ZNF26: variants seen among roughly 807,000 people sequenced by gnomAD.
The protein encoded by ZNF26 is epididymis luminal protein 179.
A neutral mutation model predicts 54.9 loss-of-function variants in ZNF26; 32 were observed. That is an observed-to-expected ratio of 0.58 (90% confidence interval 0.44 to 0.78). The LOEUF is 0.78. ZNF26 is among the 30% of genes least tolerant of loss of function. The pLI, the probability that ZNF26 is intolerant of heterozygous loss-of-function variation, is 0.00. For missense variants in ZNF26, 524 were observed against 634.0 expected, an observed-to-expected ratio of 0.83 and a Z score of 1.86; for synonymous variants, 221 against 209.2, an observed-to-expected ratio of 1.06 and a Z score of -0.49.
chr12:133,010,560 A>G lies in ZNF26; in HGVS notation c.681A>G (p.Glu227=). The stretch of plus-strand genomic sequence containing the variant: ...CTCATCAGAGAGTTCATACAGGAGA[A>G]AAACCCTACTCATGTAGTGAGTGCG... ...LNAHQRVHTG[E]KPYSCSECEK... is the part of the protein sequence containing the mutation. Residue 227 remains glutamate (E), a synonymous_variant, in exon 4 of 4, where the codon GAA becomes GAG. Transcript: ENST00000328654. 1.2e-6 allele frequency: 2 copies of G among 1,614,170 alleles called. No homozygotes were observed. The highest frequency in any genetic ancestry group is 1.7e-6 in the Non-Finnish European group (2 of 1,179,990).
intron 3 of ZNF26, among the ~76,000 whole-genome samples, chr12:133,008,790 A>AG (rs1170286436): frequency 6.6e-6 from 1 of 151,648 alleles, no homozygotes; most frequent in African/African-American, 2.4e-5. Context: ...AAAAAAAAAA[A>AG]AAAAAGAAAA....
rs1384180499 is a variant in ZNF26 at position 133,011,181 on chromosome 12, C to G, written c.1302C>G (p.Ala434=). 1.2e-6 allele frequency: 2 copies of G among 1,613,984 alleles called. No homozygotes were observed. The highest frequency in any genetic ancestry group is 1.6e-4 in the Middle Eastern group (1 of 6,084). The change falls in exon 4 of 4, where the codon GCC becomes GCG. Residue 434 remains alanine, a synonymous_variant. Coordinates refer to ENST00000328654, the MANE Select transcript of ZNF26 (RefSeq NM_019591.4). ...ATGAATGTAGTTTGTGTGAGAGAGC[C>G]TTTTGTGGAAAATCACAGCTGATTA... The part of the protein sequence containing the change: ...RPYECSLCER[A]FCGKSQLIIH...
At chr12:133,008,585 A>G (rs113730923) in intron 3 of ZNF26, among the ~76,000 whole-genome samples, 2 of 150,780 alleles carry the variant, frequency 1.3e-5, no homozygotes, top group Non-Finnish European at 2.9e-5. Flanking sequence ...GACCATCCTG[A>G]CTAACATGGT....
Position 133,012,858 on chromosome 12 carries a change from T to C in ZNF26, c.*1377T>C, listed in dbSNP as rs1953513126. 2 of 152,120 alleles carry C rather than the reference T, an allele frequency of 1.3e-5. No homozygotes were observed. Among genetic ancestry groups the C allele is most frequent in the African/African-American group, 4.8e-5 (2 of 41,410 alleles). 9.4% of individuals were successfully genotyped at this position (152,120 alleles called of 1,614,324 possible). ...CCTCCCAAAGTCATGGGATTACAGG[T>C]GTGAGCCACCGAGCCCGGCCAGCTT... On this transcript the variant is annotated 3_prime_UTR_variant, in exon 4 of 4. Transcript: ENST00000328654.
Position 133,025,000 on chromosome 12 carries a change from CACTT to C in ZNF26, c.*13520_*13523del, listed in dbSNP as rs1344298256. ...CAGGAAGGAGGTTGAGAAGGATACT[CACTT>C]GCAAACATGGTCACATTTTATGAAA... On this transcript the variant is annotated 3_prime_UTR_variant, in exon 4 of 4. Transcript: ENST00000328654. 1 of 152,194 alleles carries C rather than the reference CACTT, an allele frequency of 6.6e-6. No homozygotes were observed. The highest frequency in any genetic ancestry group is 6.5e-5 in the Admixed American group (1 of 15,274). The allele number at this position is 152,194 out of a possible 1,614,324, so 9.4% of individuals were successfully genotyped here. A position where few individuals can be genotyped will look rare whatever the true frequency, so the allele number is the denominator to read the frequency against.
At chr12:133,003,261 T>TC in intron 1 of ZNF26, among the ~76,000 whole-genome samples, 1 of 150,448 alleles carries the variant, frequency 6.6e-6, no homozygotes. Flanking sequence ...CCTTTTCTTT[T>TC]TTTTTTTTTT....
In ZNF26 at chr12:133,018,526, A is replaced by G. The variant is rs1316747150; in HGVS notation, c.*7045A>G. 6.6e-6 allele frequency: 1 copy of G among 152,384 alleles called. No individual in the cohort carries two copies. The highest frequency in any genetic ancestry group is 1.9e-4 in the East Asian group (1 of 5,192). 9.4% of individuals were successfully genotyped at this position (152,384 alleles called of 1,614,324 possible). Reference sequence around the variant, plus strand: ...TATTGTAAGGAATCATTAAATAAATAAAATATTACATTACAAAATATGCAC... The same window carrying G: ...TATTGTAAGGAATCATTAAATAAATGAAATATTACATTACAAAATATGCAC... On this transcript the variant is annotated 3_prime_UTR_variant, in exon 4 of 4. Coordinates refer to ENST00000328654, the MANE Select transcript of ZNF26 (RefSeq NM_019591.4).
chr12:132,992,223 T>C (rs1440140579), intron 1 of ZNF26, among the ~76,000 whole-genome samples: 3 of 152,194 alleles, frequency 2.0e-5, no homozygotes, highest in African/African-American at 7.2e-5. Flanking sequence ...TTACTTGAAA[T>C]AGCAATAAAT....
chr12:133,009,834 G>T (rs923859369), intron 3 of ZNF26, among the ~76,000 whole-genome samples: 16 of 152,082 alleles, frequency 1.1e-4, no homozygotes, highest in Non-Finnish European at 1.5e-4. Flanking sequence ...TTCCCTAGTA[G>T]CTGGGATTAC....
intron 1 of ZNF26, among the ~76,000 whole-genome samples, chr12:132,991,945 C>T (rs1412597300): frequency 4.6e-5 from 7 of 151,924 alleles, no homozygotes; most frequent in South Asian, 2.1e-4. Context: ...GTCAGGAGTT[C>T]GAGACCAGCC....
intron 1 of ZNF26, among the ~76,000 whole-genome samples, chr12:132,997,191 CAG>C (rs1220306486): frequency 1.3e-5 from 2 of 152,218 alleles, no homozygotes; most frequent in African/African-American, 4.8e-5. Context: ...CTTCCCAGAA[CAG>C]GGGCTAATCA....
chr12:133,010,447 A>G lies in ZNF26; in HGVS notation c.568A>G (p.Ile190Val). ...AGCTTTTCGTTGTAAGTCACAGCTC[A>G]TTGTACATCTCAGAATTCATACAGG... is the stretch of plus-strand genomic sequence containing the variant. The part of the protein sequence containing the change: ...GKAFRCKSQL[I>V]VHLRIHTGER... Residue 190 changes from isoleucine to valine, a missense_variant, in exon 4 of 4, where the codon ATT (isoleucine) becomes GTT (valine). By Grantham distance (29) the Ile-to-Val change is conservative. Transcript: ENST00000328654. 6.2e-7 allele frequency: 1 copy of G among 1,613,766 alleles called. No homozygotes were observed.
At chr12:132,987,527 C>G (rs61953668) in intron 1 of ZNF26, 32,580 of 160,020 alleles carry the variant, frequency 0.2, 4,160 homozygotes, top group Non-Finnish European at 0.29. Flanking sequence ...CCTTTGCCCT[C>G]GGTGAGTGGT....
At chr12:133,007,370 A>T in intron 2 of ZNF26, 67 bp from the exon 3 acceptor site, 1 of 1,421,880 alleles carries the variant, frequency 7.0e-7, no homozygotes. Context: ...TTTGCTCTGT[A>T]GCTCTTGATT....
intron 1 of ZNF26, chr12:133,004,972 T>C (rs1160945189): frequency 6.6e-6 from 1 of 152,230 alleles, no homozygotes; most frequent in East Asian, 1.9e-4. Flanking sequence ...CTTTATACTT[T>C]ATTTTCAGAC....
chr12:133,006,471 A>G (rs751021047), intron 1 of ZNF26: 59 of 179,694 alleles, frequency 3.3e-4, no homozygotes, highest in Non-Finnish European at 5.4e-4. Context: ...GCATGTATAA[A>G]TGTTCATTCC....
chr12:132,986,780 C>G lies in ZNF26; in HGVS notation c.-61C>G, dbSNP rs983984838. 2 of 1,552,066 alleles carry G rather than the reference C, an allele frequency of 1.3e-6. No homozygotes were observed. Among genetic ancestry groups the G allele is most frequent in the Admixed American group, 3.9e-5 (2 of 51,602 alleles). On this transcript the variant is annotated 5_prime_UTR_variant, in exon 1 of 4. Transcript: ENST00000328654. ...TGTCTTCGGGCGGACGCATCCCTCA[C>G]GGTCTCTCCGCAGCCCGCGGGTCCT...
chr12:133,009,463 G>C (rs984238744), intron 3 of ZNF26, among the ~76,000 whole-genome samples: 1 of 152,022 alleles, frequency 6.6e-6, no homozygotes, highest in Admixed American at 6.6e-5. Flanking sequence ...ATGATGGCAT[G>C]TGCCTGTAGT....
rs1953682195 is a variant in ZNF26, at chr12:133,024,885, T to C, written c.*13404T>C. 1 of 152,054 alleles carries C rather than the reference T, an allele frequency of 6.6e-6. No individual in the cohort carries two copies. Among genetic ancestry groups the C allele is most frequent in the South Asian group, 2.1e-4 (1 of 4,818 alleles). The allele number at this position is 152,054 out of a possible 1,614,324, so 9.4% of individuals were successfully genotyped here. On this transcript the variant is annotated 3_prime_UTR_variant, in exon 4 of 4. Coordinates refer to ENST00000328654, the MANE Select transcript of ZNF26 (RefSeq NM_019591.4). ...TGGGTTGTACACAGATAGCTAAAAA[T>C]CCCACACGTTCTTAAAAACAGTGAT... is the stretch of plus-strand genomic sequence containing the variant.
Sources: allele counts gnomAD v4.1 joint callset (sites outside exome capture counted in the v4.1 genomes callset), GRCh38; gene constraint gnomAD v4.1.1; transcripts MANE v1.5; gene names NCBI Gene and HGNC (gene_info 2026-07-23, HGNC 2026-07-21).